The following SCHIP1 variants were observed in gnomAD, a reference collection of about 807,000 sequenced individuals.
SCHIP1 encodes the protein schwannomin interacting protein 1, also known as schwannomin-interacting protein 1.
A neutral mutation model predicts 29.7 loss-of-function variants in SCHIP1; 8 were observed. The observed-to-expected ratio is 0.27, with a 90% confidence interval of 0.16 to 0.49. SCHIP1 has a LOEUF of 0.49. Ranked by LOEUF, SCHIP1 falls within the 20% of genes least tolerant of loss-of-function variation. SCHIP1 has a pLI of 0.99. For missense variants in SCHIP1, 193 were observed against 294.6 expected, an observed-to-expected ratio of 0.66 and a Z score of 2.52; for synonymous variants, 76 against 94.9, an observed-to-expected ratio of 0.80 and a Z score of 1.16.
At chr3:159,763,548 C>T in the SCHIP1 span, among the ~76,000 whole-genome samples, 3 of 152,318 alleles carry the variant, frequency 2.0e-5, no homozygotes, top group African/African-American at 7.2e-5. Context: ...TATCTTGGCC[C>T]CTCCAACCCC....
chr3:159,839,561 G>A (rs140355646), upstream of SCHIP1, among the ~76,000 whole-genome samples: 52 of 148,364 alleles, frequency 3.5e-4, no homozygotes, highest in East Asian at 9.9e-3. Context: ...TTCATTGTTG[G>A]TATTCAGAAT....
the SCHIP1 span, among the ~76,000 whole-genome samples, chr3:159,466,577 T>C: frequency 6.6e-6 from 1 of 152,130 alleles, no homozygotes; most frequent in Non-Finnish European, 1.5e-5. Flanking sequence ...TGAAAATTCT[T>C]TTATGGAGGT....
At chr3:159,484,527 A>AGTAT in the SCHIP1 span, among the ~76,000 whole-genome samples, 2 of 152,172 alleles carry the variant, frequency 1.3e-5, no homozygotes, top group African/African-American at 4.8e-5. Context: ...GAATCAAGTG[A>AGTAT]GTATGTCATT....
At chr3:159,785,908 G>T in the SCHIP1 span, among the ~76,000 whole-genome samples, 5 of 152,118 alleles carry the variant, frequency 3.3e-5, no homozygotes, top group East Asian at 9.6e-4. Flanking sequence ...CGAAACATCA[G>T]ATTTATTTTG....
the SCHIP1 span, among the ~76,000 whole-genome samples, chr3:159,297,750 C>A: frequency 4.6e-5 from 7 of 152,166 alleles, no homozygotes; most frequent in Non-Finnish European, 8.8e-5. Flanking sequence ...CTTAGGGTCA[C>A]CCTGAGGTCT....
the SCHIP1 span, among the ~76,000 whole-genome samples, chr3:159,343,942 T>C: frequency 6.6e-6 from 1 of 152,190 alleles, no homozygotes; most frequent in Admixed American, 6.5e-5. Context: ...AATTAAAAAA[T>C]GGGTTTCTAT....
At chr3:159,611,319 A>C in the SCHIP1 span, among the ~76,000 whole-genome samples, 2 of 152,172 alleles carry the variant, frequency 1.3e-5, no homozygotes, top group Admixed American at 6.5e-5. Flanking sequence ...AGCTGATTAA[A>C]AATACGAGCT....
the SCHIP1 span, chr3:159,721,397 A>G: frequency 1.3e-5 from 2 of 152,264 alleles, no homozygotes; most frequent in Admixed American, 1.3e-4. Context: ...AAGCAGCAGG[A>G]GTAAGAAAGT....
chr3:159,595,285 A>C, the SCHIP1 span, among the ~76,000 whole-genome samples: 1 of 152,156 alleles, frequency 6.6e-6, no homozygotes, highest in Non-Finnish European at 1.5e-5. Context: ...TTGGAGCAGG[A>C]GGGCCTATTT....
the SCHIP1 span, among the ~76,000 whole-genome samples, chr3:159,417,431 T>C: frequency 6.6e-6 from 1 of 152,210 alleles, no homozygotes; most frequent in Non-Finnish European, 1.5e-5. Flanking sequence ...AGCATACGAA[T>C]TATACAGTCT....
At chr3:159,750,278 TATATATATATATATATATACACAC>T in the SCHIP1 span, among the ~76,000 whole-genome samples, 1 of 16,890 alleles carries the variant, frequency 5.9e-5, no homozygotes, top group African/African-American at 1.1e-4. Flanking sequence ...TATATATATA[TATATATATATATATATATACACAC>T]ACACACACAC....
chr3:159,688,257 C>T, the SCHIP1 span, among the ~76,000 whole-genome samples: 14 of 152,324 alleles, frequency 9.2e-5, no homozygotes, highest in Admixed American at 7.2e-4. Flanking sequence ...TCCTCTCCAG[C>T]ATCAGTTGTT....
At chr3:159,300,164 C>A in the SCHIP1 span, among the ~76,000 whole-genome samples, 5 of 132,516 alleles carry the variant, frequency 3.8e-5, no homozygotes, top group Non-Finnish European at 6.3e-5. Context: ...CTCTGTCACC[C>A]AGGCTGGAGT....
chr3:159,360,577 A>G, the SCHIP1 span, among the ~76,000 whole-genome samples: 1 of 152,224 alleles, frequency 6.6e-6, no homozygotes, highest in Admixed American at 6.5e-5. Context: ...ATGAAACCTT[A>G]CAAGCTATTA....
At chr3:159,814,479 G>A in the SCHIP1 span, among the ~76,000 whole-genome samples, 1 of 152,318 alleles carries the variant, frequency 6.6e-6, no homozygotes, top group African/African-American at 2.4e-5. Flanking sequence ...TTCCTCTCGC[G>A]GGTATAGCAG....
At chr3:159,321,219 C>T in the SCHIP1 span, among the ~76,000 whole-genome samples, 1 of 152,174 alleles carries the variant, frequency 6.6e-6, no homozygotes, top group African/African-American at 2.4e-5. Context: ...CCCACCTTGG[C>T]CTCCCAAAGT....
chr3:159,788,340 C>T, the SCHIP1 span, among the ~76,000 whole-genome samples: 2 of 152,196 alleles, frequency 1.3e-5, no homozygotes, highest in African/African-American at 4.8e-5. Context: ...AAATACAAGG[C>T]GTTACAGAAG....
chr3:159,565,931 TC>T, the SCHIP1 span, among the ~76,000 whole-genome samples: 1 of 152,244 alleles, frequency 6.6e-6, no homozygotes, highest in African/African-American at 2.4e-5. Context: ...AGTAGGATAA[TC>T]ACTTACTCTA....
the SCHIP1 span, among the ~76,000 whole-genome samples, chr3:159,374,440 CTG>C: frequency 6.6e-6 from 1 of 152,112 alleles, no homozygotes; most frequent in Non-Finnish European, 1.5e-5. Flanking sequence ...CTGTGGGAAT[CTG>C]TGGGTACTAA....
Sources: gnomAD v4.1 joint callset for allele counts (sites outside exome capture counted in the v4.1 genomes callset) on GRCh38, gnomAD v4.1.1 for gene constraint, MANE v1.5 for transcripts, NCBI Gene and HGNC (gene_info 2026-07-23, HGNC 2026-07-21) for gene names.